Variants in ANKRD30B observed in about 807,000 individuals in gnomAD.
ANKRD30B encodes ankyrin repeat domain-containing protein 30B.
In ANKRD30B, 144 loss-of-function variants were observed where a neutral mutation model predicts 202.2. That is an observed-to-expected ratio of 0.71 (90% CI 0.62 to 0.82). The LOEUF is 0.82. Among genes scored for constraint, ANKRD30B ranks in the 40% least tolerant of loss-of-function variants. ANKRD30B has a pLI of 0.00. For synonymous variants in ANKRD30B, 508 were observed against 561.3 expected (o/e 0.91, Z 1.34); for missense variants, 1,487 against 1,669.1 (o/e 0.89, Z 1.90).
the ANKRD30B span, among the ~76,000 whole-genome samples, chr18:14,937,832 A>G: frequency 6.6e-6 from 1 of 152,112 alleles, no homozygotes; most frequent in Non-Finnish European, 1.5e-5. Flanking sequence ...AAGAATGTGG[A>G]CAACTTTATC....
chr18:14,829,405 T>A (rs572757686), intron 33 of ANKRD30B, among the ~76,000 whole-genome samples: 1 of 151,916 alleles, frequency 6.6e-6, no homozygotes, highest in Non-Finnish European at 1.5e-5. Flanking sequence ...GTTTGAATAA[T>A]AGAAAGGAAA....
intron 24 of ANKRD30B, among the ~76,000 whole-genome samples, chr18:14,804,704 G>A (rs896474045): frequency 1.3e-5 from 2 of 150,530 alleles, no homozygotes; most frequent in Non-Finnish European, 3.0e-5. Flanking sequence ...TTTAGTTAGG[G>A]GAGAAGAAGA....
chr18:14,792,122 T>C (rs1804662176), intron 16 of ANKRD30B, among the ~76,000 whole-genome samples: 2 of 152,202 alleles, frequency 1.3e-5, no homozygotes. Context: ...TTTCAAACTT[T>C]AGAAAACCGT....
At chr18:14,833,100 C>A (rs1280325096) in intron 34 of ANKRD30B, among the ~76,000 whole-genome samples, 1 of 152,000 alleles carries the variant, frequency 6.6e-6, no homozygotes, top group Non-Finnish European at 1.5e-5. Context: ...CCATGCCCAG[C>A]TAATTTTTGT....
intron 26 of ANKRD30B, among the ~76,000 whole-genome samples, chr18:14,809,422 A>T (rs1449071653): frequency 6.6e-6 from 1 of 150,894 alleles, no homozygotes; most frequent in Non-Finnish European, 1.5e-5. Context: ...AAGCTAGACA[A>T]CTGGTTAGAC....
At chr18:14,820,711 G>A (rs1213496348) in intron 30 of ANKRD30B, among the ~76,000 whole-genome samples, 4 of 152,136 alleles carry the variant, frequency 2.6e-5, no homozygotes, top group South Asian at 2.1e-4. Flanking sequence ...CAGGGATGAA[G>A]CCCACTTGAT....
At chr18:14,937,378 G>A in the ANKRD30B span, among the ~76,000 whole-genome samples, 1 of 152,206 alleles carries the variant, frequency 6.6e-6, no homozygotes, top group East Asian at 1.9e-4. Flanking sequence ...CGGGGGTTCA[G>A]CAGGTGTAGC....
chr18:14,822,757 A>G lies in ANKRD30B; in HGVS notation c.2743+80A>G, dbSNP rs1037776637. 7 of 1,310,348 alleles carry G rather than the reference A, an allele frequency of 5.3e-6. No homozygotes were observed. The Admixed American group carries it at 9.0e-5, about 17-fold the overall frequency. The allele number at this position is 1,310,348 out of a possible 1,614,324, so 81.2% of individuals were successfully genotyped here. A position where few individuals can be genotyped will look rare whatever the true frequency, so the allele number is the denominator to read the frequency against. ...AGTGCCAAGAGCCTTTTTATTCCCA[A>G]TGTTGTTTTCTTTTCAAAATTGGAT... On this transcript the variant is annotated intron_variant, in intron 32 of 43. Transcript: ENST00000690538.
chr18:14,842,644 A>C (rs1395308870), intron 37 of ANKRD30B, among the ~76,000 whole-genome samples: 1 of 152,240 alleles, frequency 6.6e-6, no homozygotes, highest in African/African-American at 2.4e-5. Flanking sequence ...ATATCAACAC[A>C]TTTTGCATGC....
chr18:14,788,571 A>G (rs968264470), intron 15 of ANKRD30B, among the ~76,000 whole-genome samples: 1 of 151,120 alleles, frequency 6.6e-6, no homozygotes, highest in African/African-American at 2.4e-5. Flanking sequence ...CAGTCCCCAG[A>G]GTGTGATGTT....
At chr18:14,864,308 C>T in the ANKRD30B span, among the ~76,000 whole-genome samples, 2 of 152,100 alleles carry the variant, frequency 1.3e-5, no homozygotes, top group African/African-American at 4.8e-5. Flanking sequence ...GCACTCCAGC[C>T]TGGGCAACAG....
At chr18:14,880,401 T>C in the ANKRD30B span, among the ~76,000 whole-genome samples, 1 of 152,182 alleles carries the variant, frequency 6.6e-6, no homozygotes, top group Admixed American at 6.5e-5. Context: ...GAATTGTTTT[T>C]GTAATTCTGT....
At chr18:14,817,918 A>G (rs1970201559) in intron 30 of ANKRD30B, among the ~76,000 whole-genome samples, 2 of 152,160 alleles carry the variant, frequency 1.3e-5, no homozygotes, top group South Asian at 2.1e-4. Context: ...TTAGCCTTAA[A>G]ATGCTTGGAC....
intron 15 of ANKRD30B, among the ~76,000 whole-genome samples, chr18:14,787,367 G>A (rs918212754): frequency 1.4e-4 from 22 of 152,160 alleles, no homozygotes; most frequent in African/African-American, 5.1e-4. Flanking sequence ...AAATTCACAT[G>A]GGATCTGAAG....
chr18:14,821,439 C>A (rs1390357929), intron 30 of ANKRD30B, among the ~76,000 whole-genome samples: 1 of 151,940 alleles, frequency 6.6e-6, no homozygotes, highest in Non-Finnish European at 1.5e-5. Context: ...TTTTCTAGTT[C>A]TTTTAATTGT....
chr18:14,805,109 A>G (rs1333039479), intron 24 of ANKRD30B, among the ~76,000 whole-genome samples: 10 of 150,670 alleles, frequency 6.6e-5, no homozygotes, highest in African/African-American at 2.0e-4. Context: ...CACAATTTGA[A>G]TAAGACATAC....
chr18:14,780,337 C>T (rs1245975530), intron 11 of ANKRD30B, among the ~76,000 whole-genome samples: 6 of 151,872 alleles, frequency 4.0e-5, no homozygotes, highest in Non-Finnish European at 8.8e-5. Flanking sequence ...CCCAGCTACT[C>T]GGGAAGCTGA....
chr18:14,756,734 AAAT>A (rs1040295091), intron 4 of ANKRD30B, among the ~76,000 whole-genome samples: 3 of 152,166 alleles, frequency 2.0e-5, no homozygotes, highest in African/African-American at 7.2e-5. Context: ...TCTCTACTAA[AAAT>A]ACAAAAATTA....
At chr18:14,913,832 T>C in the ANKRD30B span, among the ~76,000 whole-genome samples, 1 of 152,202 alleles carries the variant, frequency 6.6e-6, no homozygotes, top group Non-Finnish European at 1.5e-5. Context: ...AGTGTCCTGT[T>C]GGTAAAAGTA....
Sources: allele counts gnomAD v4.1 joint callset (sites outside exome capture counted in the v4.1 genomes callset), GRCh38; gene constraint gnomAD v4.1.1; transcripts MANE v1.5; gene names NCBI Gene and HGNC (gene_info 2026-07-23, HGNC 2026-07-21).